Variants in C10orf67 observed in about 807,000 individuals in gnomAD.
The protein encoded by C10orf67 is chromosome 10 open reading frame 67.
Under a neutral mutation model 35.6 loss-of-function variants are expected in C10orf67, and 60 were observed. The ratio of observed to expected loss-of-function variants is 1.68; its 90% CI spans 1.37 to 2.09. The LOEUF is 2.09. Ranked by LOEUF, C10orf67 falls within the 30% of genes most tolerant of loss-of-function variation. C10orf67 has a pLI of 0.00. For missense variants in C10orf67, 474 were observed against 330.2 expected, an observed-to-expected ratio of 1.44 and a Z score of -3.38; for synonymous variants, 167 against 115.8, an observed-to-expected ratio of 1.44 and a Z score of -2.84.
chr10:23,282,395 T>A (rs1843394700), intron 7 of C10orf67, among the ~76,000 whole-genome samples: 1 of 152,214 alleles, frequency 6.6e-6, no homozygotes, highest in Non-Finnish European at 1.5e-5. Flanking sequence ...GTGACCCATC[T>A]CTTATTTTAG....
At chr10:23,242,598 A>C (rs1203451043) in intron 12 of C10orf67, among the ~76,000 whole-genome samples, 1 of 152,200 alleles carries the variant, frequency 6.6e-6, no homozygotes, top group Non-Finnish European at 1.5e-5. Flanking sequence ...AAAAACAGAG[A>C]GAATTAAAAT....
At chr10:23,326,433 A>C (rs1443370487) in intron 2 of C10orf67, among the ~76,000 whole-genome samples, 1 of 152,212 alleles carries the variant, frequency 6.6e-6, no homozygotes, top group Non-Finnish European at 1.5e-5. Context: ...TTCTATATTC[A>C]ATGTAAAAAC....
intron 3 of C10orf67, 90 bp from the exon 4 acceptor site, chr10:23,320,905 T>G (rs1844926929): frequency 1.3e-6 from 1 of 790,084 alleles, no homozygotes; most frequent in Non-Finnish European, 2.0e-6. Flanking sequence ...TAAAAAAACA[T>G]CATCTGAATC....
intron 2 of C10orf67, among the ~76,000 whole-genome samples, chr10:23,325,571 TAAC>T (rs926486992): frequency 9.0e-5 from 9 of 99,876 alleles, no homozygotes; most frequent in African/African-American, 2.2e-4. Flanking sequence ...ACAAAACCAA[TAAC>T]AACAACAACA....
At chr10:23,338,637 G>A (rs1186333879) in intron 1 of C10orf67, among the ~76,000 whole-genome samples, 1 of 152,138 alleles carries the variant, frequency 6.6e-6, no homozygotes, top group Non-Finnish European at 1.5e-5. Flanking sequence ...ATGGATTCAT[G>A]CCCATGGAAT....
In C10orf67 at chr10:23,291,246, A is replaced by AT; in HGVS notation, c.735dup (p.Ser246IlefsTer15). On this transcript the variant is annotated frameshift_variant, in exon 6 of 16. Transcript: ENST00000636213. LOFTEE classifies it high-confidence loss of function. ...TCCAAATTTTCCTTTTCTAGGTTTG[A>AT]TTTTGGAGAGCTGGTTTCTTTGGCA... 1.4e-6 allele frequency: 1 copy of AT among 716,522 alleles called. No individual in the cohort carries two copies. Among genetic ancestry groups the AT allele is most frequent in the Middle Eastern group, 2.3e-4 (1 of 4,364 alleles). 44.4% of individuals were successfully genotyped at this position (716,522 alleles called of 1,614,324 possible).
At chr10:23,253,552 C>A (rs1403860015) in intron 10 of C10orf67, among the ~76,000 whole-genome samples, 3 of 151,980 alleles carry the variant, frequency 2.0e-5, no homozygotes, top group Non-Finnish European at 4.4e-5. Context: ...AAATTAATCC[C>A]CAGAAAATTA....
intron 8 of C10orf67, among the ~76,000 whole-genome samples, chr10:23,276,098 T>G (rs1221205536): frequency 6.6e-6 from 1 of 152,150 alleles, no homozygotes; most frequent in Non-Finnish European, 1.5e-5. Context: ...TTTCTCAGGA[T>G]GTAGGGCTTT....
rs182794404 is a variant in C10orf67, at chr10:23,261,564, C to T, written c.1200+4698G>A. Among the ~76,000 whole-genome samples the T allele has an allele frequency of 2.0e-3, 306 of 152,260 alleles. 3 individuals are homozygous for T. The highest frequency in any genetic ancestry group is 5.7e-3 in the African/African-American group (238 of 41,550). ...TAGCCTCAAGTGATCCTCCTGCCTC[C>T]GCCTCTCAAAGTGTTGGAATTACAG... On this transcript the variant is annotated intron_variant, in intron 10 of 15. Transcript: ENST00000636213.
chr10:23,210,933 C>T (rs1334545133), intron 15 of C10orf67, among the ~76,000 whole-genome samples: 2 of 152,190 alleles, frequency 1.3e-5, no homozygotes, highest in Non-Finnish European at 2.9e-5. Context: ...AGTCTTAATA[C>T]AAACTGAAAA....
At chr10:23,246,690 A>G (rs1315916185) in intron 12 of C10orf67, among the ~76,000 whole-genome samples, 2 of 152,210 alleles carry the variant, frequency 1.3e-5, no homozygotes, top group Non-Finnish European at 2.9e-5. Flanking sequence ...TAACGTCTTG[A>G]CAATCCTGAC....
At chr10:23,252,719 G>T (rs1274172834) in intron 10 of C10orf67, among the ~76,000 whole-genome samples, 2 of 152,160 alleles carry the variant, frequency 1.3e-5, no homozygotes, top group East Asian at 3.9e-4. Context: ...AATTTTGTGT[G>T]CTAGCCTTTT....
chr10:23,293,808 G>A (rs4073300), intron 5 of C10orf67, among the ~76,000 whole-genome samples: 10,447 of 152,266 alleles, frequency 0.069, 769 homozygotes, highest in African/African-American at 0.19. Context: ...AATCTCGAAA[G>A]AATCATTTTT....
Position 23,320,787 on chromosome 10 carries a change from T to A in C10orf67, c.500A>T (p.Asn167Ile). The change falls in exon 4 of 16, where the codon AAT becomes ATT. Residue 167 changes from asparagine to isoleucine, a missense_variant. Physicochemically the swap from Asn to Ile is moderately radical, Grantham distance 149. Coordinates refer to ENST00000636213, the MANE Select transcript of C10orf67 (RefSeq NM_001371909.1). ...QNEDKMRKSFNQQLADAIAVI... is the reference protein window; with the variant it reads ...QNEDKMRKSFIQQLADAIAVI... ...AGCTATGGCATCAGCTAACTGCTGA[T>A]TGAAGGATTTTCTCATCTTATCCTC... 1 of 1,589,392 alleles carries A rather than the reference T, an allele frequency of 6.3e-7. No individual in the cohort carries two copies. The highest frequency in any genetic ancestry group is 8.6e-7 in the Non-Finnish European group (1 of 1,167,000).
chr10:23,280,407 G>C (rs773582721), intron 8 of C10orf67, among the ~76,000 whole-genome samples: 2 of 152,190 alleles, frequency 1.3e-5, no homozygotes, highest in Non-Finnish European at 2.9e-5. Flanking sequence ...AACAAAGGAA[G>C]CACAAAATAG....
At position 23,203,461 on chromosome 10, in the gene C10orf67, G is replaced by GCCTACGATTCA. The variant is rs1841074298; in HGVS notation, c.*711_*712insTGAATCGTAGG. 1 of 152,200 alleles carries GCCTACGATTCA rather than the reference G, an allele frequency of 6.6e-6. No homozygotes were observed. The highest frequency in any genetic ancestry group is 1.5e-5 in the Non-Finnish European group (1 of 68,046). The allele number at this position is 152,200 out of a possible 1,614,324, so 9.4% of individuals were successfully genotyped here. On this transcript the variant is annotated 3_prime_UTR_variant, in exon 16 of 16. Coordinates refer to ENST00000636213, the MANE Select transcript of C10orf67 (RefSeq NM_001371909.1). ...ATCCAGAGCCTACGATTCAGATACA[G>GCCTACGATTCA]GCTCTTAACAAGGCCTTACTTGTAG...
rs4073299 is a variant in C10orf67, at chr10:23,293,442, T to C, written c.703-2163A>G. ...GTTCTGAGCTGCTACGGTGCTCTGT[T>C]ACACTCTGAGTGGCAGGTTTTGTGG... is the stretch of plus-strand genomic sequence containing the variant. On this transcript the variant is annotated intron_variant, in intron 5 of 15. Transcript: ENST00000636213. 4.3e-3 allele frequency among the ~76,000 whole-genome samples: 656 copies of C among 152,320 alleles called. 10 individuals carry two copies. The highest frequency in any genetic ancestry group is 0.015 in the African/African-American group (620 of 41,576).
At chr10:23,286,294 G>A in intron 7 of C10orf67, among the ~76,000 whole-genome samples, 1 of 146,978 alleles carries the variant, frequency 6.8e-6, no homozygotes, top group Non-Finnish European at 1.5e-5. Flanking sequence ...GCTACTCTGG[G>A]AGCTGAGATG....
chr10:23,291,009 G>T, intron 6 of C10orf67, 123 bp downstream of exon 6: 1 of 588,942 alleles, frequency 1.7e-6, no homozygotes, highest in East Asian at 2.8e-5. Flanking sequence ...AGATGGCTAT[G>T]AAATTCATCT....
Sources: gnomAD v4.1 joint callset for allele counts (sites outside exome capture counted in the v4.1 genomes callset) on GRCh38, gnomAD v4.1.1 for gene constraint, MANE v1.5 for transcripts, NCBI Gene and HGNC (gene_info 2026-07-23, HGNC 2026-07-21) for gene names.